Variants in ARFGAP2 observed in about 807,000 individuals in gnomAD.
ARFGAP2 encodes ADP-ribosylation factor GTPase-activating protein 2.
Under a neutral mutation model 71.9 loss-of-function variants are expected in ARFGAP2, and 45 were observed. The ratio of observed to expected loss-of-function variants is 0.63; its 90% CI spans 0.49 to 0.80. The LOEUF is 0.80. Ranked by LOEUF, ARFGAP2 falls within the 30% of genes least tolerant of loss-of-function variation. The pLI, the probability that ARFGAP2 is intolerant of heterozygous loss-of-function variation, is 0.00. For synonymous variants in ARFGAP2, 248 were observed against 249.2 expected, an observed-to-expected ratio of 1.00 and a Z score of 0.05; for missense variants, 633 against 673.9, an observed-to-expected ratio of 0.94 and a Z score of 0.67.
rs762144749 is a variant in ARFGAP2 at position 47,168,152 on chromosome 11, A to G, written c.1041T>C (p.Asp347=). ...GGGGTCCAGAGGCGAAAGTACCAAC[A>G]TCGTCAAACAAGTCCAGCTGCGAGC... ...SSRSQLDLFD[D]VGTFASGPPK... The change falls in exon 11 of 16, where the codon GAT becomes GAC. Residue 347 remains aspartate (D), a synonymous_variant. Coordinates refer to ENST00000524782, the MANE Select transcript of ARFGAP2 (RefSeq NM_032389.6). The G allele has an allele frequency of 6.2e-7, 1 of 1,614,246 alleles. No individual in the cohort carries two copies.
At position 47,171,528 on chromosome 11, in the gene ARFGAP2, T is replaced by G. The variant is rs745484725; in HGVS notation, c.839A>C (p.Glu280Ala). The change falls in exon 10 of 16, where the codon GAG becomes GCG. Residue 280 changes from glutamate to alanine, a missense_variant. Glu to Ala is a moderately radical substitution (Grantham distance 107). Coordinates refer to ENST00000524782, the MANE Select transcript of ARFGAP2 (RefSeq NM_032389.6). ...MVASMRLAYQ[E>A]LQIDRKKEEK... ...CTCTTTCTTACGATCAATCTGGAGC[T>G]CCTGGTAGGCCAGACGCATGGAGGC... 2.5e-6 allele frequency: 4 copies of G among 1,614,200 alleles called. No individual in the cohort carries two copies. Among genetic ancestry groups the G allele is most frequent in the Non-Finnish European group, 3.4e-6 (4 of 1,180,034 alleles).
chr11:47,168,055 G>A lies in ARFGAP2; in HGVS notation c.1071-12C>T. ...GATTGTCCTTGTACCTAGGGAGACA[G>A]TAGAGTGGCTCAGAGAAGCCTGATG... On this transcript the variant is annotated splice_polypyrimidine_tract_variant and intron_variant, in intron 11 of 15. Coordinates refer to ENST00000524782, the MANE Select transcript of ARFGAP2 (RefSeq NM_032389.6). 1.2e-6 allele frequency: 2 copies of A among 1,614,206 alleles called. No individual in the cohort carries two copies. Among genetic ancestry groups the A allele is most frequent in the Middle Eastern group, 1.6e-4 (1 of 6,062 alleles).
Position 47,175,939 on chromosome 11 carries a change from G to A in ARFGAP2, c.192-16C>T. 6.2e-7 allele frequency: 1 copy of A among 1,613,654 alleles called. No homozygotes were observed. Among genetic ancestry groups the A allele is most frequent in the Non-Finnish European group, 8.5e-7 (1 of 1,179,812 alleles). On this transcript the variant is annotated splice_polypyrimidine_tract_variant and intron_variant, in intron 2 of 15. Coordinates refer to ENST00000524782, the MANE Select transcript of ARFGAP2 (RefSeq NM_032389.6). Reference sequence around the variant, plus strand: ...CTCTGTGGACCTGTGTACAAGGGCTGCGTCTCACCCACTAGCAGATACCAG... The same window carrying A: ...CTCTGTGGACCTGTGTACAAGGGCTACGTCTCACCCACTAGCAGATACCAG...
chr11:47,165,576 C>A lies in ARFGAP2; in HGVS notation c.1546-74G>T. The stretch of plus-strand genomic sequence containing the variant: ...CTGCAGCAGCTTCCCAGCAAACACA[C>A]TGCCTGCCCCAGCACCCCACAGCAA... On this transcript the variant is annotated intron_variant, in intron 15 of 15. Coordinates refer to ENST00000524782, the MANE Select transcript of ARFGAP2 (RefSeq NM_032389.6). 3.4e-6 allele frequency: 5 copies of A among 1,456,294 alleles called. No individual in the cohort carries two copies. In the South Asian group the frequency reaches 6.8e-5, roughly 20 times the overall value. The allele number at this position is 1,456,294 out of a possible 1,614,324, so 90.2% of individuals were successfully genotyped here. A position where few individuals can be genotyped will look rare whatever the true frequency, so the allele number is the denominator to read the frequency against.
chr11:47,170,746 G>A (rs1168043390), intron 10 of ARFGAP2, among the ~76,000 whole-genome samples: 1 of 152,086 alleles, frequency 6.6e-6, no homozygotes, highest in Non-Finnish European at 1.5e-5. Flanking sequence ...AGGAATTCGA[G>A]ACCAGGCTGG....
In ARFGAP2 at chr11:47,172,350, T is replaced by G; in HGVS notation, c.620-17A>C. Reference sequence around the variant, plus strand: ...TTTTCAGTTCTGCGTGAGAAACGGGTAGGCATGAGCTAAGACAAAGGCAGC... The same window carrying G: ...TTTTCAGTTCTGCGTGAGAAACGGGGAGGCATGAGCTAAGACAAAGGCAGC... On this transcript the variant is annotated splice_polypyrimidine_tract_variant and intron_variant, in intron 7 of 15. Coordinates refer to ENST00000524782, the MANE Select transcript of ARFGAP2 (RefSeq NM_032389.6). The G allele has an allele frequency of 6.2e-7, 1 of 1,613,954 alleles. No individual in the cohort carries two copies. The highest frequency in any genetic ancestry group is 1.1e-5 in the South Asian group (1 of 91,080).
chr11:47,176,330 C>T, intron 2 of ARFGAP2, 186 bp downstream of exon 2: 1 of 626,428 alleles, frequency 1.6e-6, no homozygotes, highest in East Asian at 2.7e-5. Context: ...GAGGCGGAGA[C>T]GGACCGCCCA....
chr11:47,176,531 T>G lies in ARFGAP2; in HGVS notation c.176A>C (p.His59Pro). 6.2e-7 allele frequency: 1 copy of G among 1,613,656 alleles called. No homozygotes were observed. Among genetic ancestry groups the G allele is most frequent in the Non-Finnish European group, 8.5e-7 (1 of 1,180,010 alleles). Residue 59 changes from histidine to proline, a missense_variant, in exon 2 of 16, where the codon CAT becomes CCT. Transcript: ENST00000524782. ...GAGAGCCTACCTGATGAAGCTCAGA[T>G]GGACGCCCAGGGAGCGGTGCACCCC... is the stretch of plus-strand genomic sequence containing the variant. ...CSGVHRSLGV[H>P]LSFIRSTELD...
chr11:47,173,087 G>C, intron 7 of ARFGAP2: 1 of 400,300 alleles, frequency 2.5e-6, no homozygotes, highest in Non-Finnish European at 4.7e-6. Context: ...CTCCACCCCC[G>C]GAAATGCACC....
At position 47,167,944 on chromosome 11, in the gene ARFGAP2, T is replaced by G. The variant is rs746803158; in HGVS notation, c.1170A>C (p.Glu390Asp). Residue 390 changes from glutamate to aspartate, a missense_variant, in exon 12 of 16, where the codon GAA becomes GAC. Transcript: ENST00000524782. ...GMDRVEEKEPEVTISSIRPIS... is the reference protein window; with the variant it reads ...GMDRVEEKEPDVTISSIRPIS... ...TAGGCCGGATGCTTGAGATGGTCAC[T>G]TCTGGCTCCTTCTCCTCTACCCTGT... is the stretch of plus-strand genomic sequence containing the variant. The G allele has an allele frequency of 6.8e-6, 11 of 1,613,330 alleles. No individual in the cohort carries two copies. Among genetic ancestry groups the G allele is most frequent in the Admixed American group, 1.7e-5 (1 of 59,934 alleles).
In ARFGAP2 at chr11:47,164,446, C is replaced by A; in HGVS notation, c.*1036G>T. 1.8e-6 allele frequency: 1 copy of A among 549,806 alleles called. No individual in the cohort carries two copies. The highest frequency in any genetic ancestry group is 3.7e-5 in the East Asian group (1 of 26,752). The allele number at this position is 549,806 out of a possible 1,614,324, so 34.1% of individuals were successfully genotyped here. A position where few individuals can be genotyped will look rare whatever the true frequency, so the allele number is the denominator to read the frequency against. On this transcript the variant is annotated 3_prime_UTR_variant, in exon 16 of 16. Coordinates refer to ENST00000524782, the MANE Select transcript of ARFGAP2 (RefSeq NM_032389.6). ...TGGTCTGTGTTGCTTGGGAGCCCAA[C>A]CTACAACCCAAAGGTGGGGGCTGGG...
Position 47,164,365 on chromosome 11 carries a change from T to C in ARFGAP2, c.*1117A>G, listed in dbSNP as rs1281896376. On this transcript the variant is annotated 3_prime_UTR_variant, in exon 16 of 16. Transcript: ENST00000524782. Reference sequence around the variant, plus strand: ...TTATTTTGACACCACTTTGTTTCAATACAAACAGTCCAGAAAGAAAGTCAA... The same window carrying C: ...TTATTTTGACACCACTTTGTTTCAACACAAACAGTCCAGAAAGAAAGTCAA... 3.3e-6 allele frequency: 4 copies of C among 1,197,548 alleles called. No homozygotes were observed. Among genetic ancestry groups the C allele is most frequent in the Middle Eastern group, 2.5e-4 (1 of 4,078 alleles). The allele number at this position is 1,197,548 out of a possible 1,614,324, so 74.2% of individuals were successfully genotyped here.
intron 3 of ARFGAP2, 200 bp downstream of exon 3, chr11:47,175,651 C>T (rs1952780246): frequency 4.5e-6 from 3 of 669,676 alleles, no homozygotes; most frequent in South Asian, 1.9e-5. Flanking sequence ...CCCAAGAACA[C>T]CTGCCCAGTT....
At position 47,171,509 on chromosome 11, in the gene ARFGAP2, C is replaced by T. The variant is rs778408239; in HGVS notation, c.858G>A (p.Lys286=). 4 of 1,614,222 alleles carry T rather than the reference C, an allele frequency of 2.5e-6. No individual in the cohort carries two copies. The highest frequency in any genetic ancestry group is 3.4e-6 in the Non-Finnish European group (4 of 1,180,036). The change falls in exon 10 of 16, where the codon AAG becomes AAA. Residue 286 remains lysine, a synonymous_variant. Coordinates refer to ENST00000524782, the MANE Select transcript of ARFGAP2 (RefSeq NM_032389.6). ...LAYQELQIDR[K]KEEKKLQNLE... ...GATTCTGTAGCTTCTTTTCCTCTTTCTTACGATCAATCTGGAGCTCCTGGT... is the reference window on the plus strand; with the variant it reads ...GATTCTGTAGCTTCTTTTCCTCTTTTTTACGATCAATCTGGAGCTCCTGGT...
chr11:47,174,378 T>C (rs1952715348), intron 5 of ARFGAP2: 3 of 6,088 alleles, frequency 4.9e-4, no homozygotes, highest in Non-Finnish European at 4.9e-4. Flanking sequence ...TTTTTTTTTT[T>C]TTTTTTTTTT....
chr11:47,176,406 G>A (rs12785677), intron 2 of ARFGAP2, 110 bp downstream of exon 2: 1 of 1,093,684 alleles, frequency 9.1e-7, no homozygotes, highest in Non-Finnish European at 1.4e-6. Flanking sequence ...TCGGCCCAGA[G>A]GCTTCCCACC....
chr11:47,166,522 A>G lies in ARFGAP2; in HGVS notation c.1410T>C (p.Asp470=), dbSNP rs779908328. ...ISSSDLFGDM[D]GAHGAGSVSL... is the part of the protein sequence containing the mutation. ...GGGCCCTACCTGCTCCGTGAGCTCC[A>G]TCCATGTCCCCAAAGAGGTCTGAAG... Residue 470 remains aspartate (D), a synonymous_variant, in exon 14 of 16, where the codon GAT becomes GAC. Coordinates refer to ENST00000524782, the MANE Select transcript of ARFGAP2 (RefSeq NM_032389.6). 95 of 1,612,716 alleles carry G rather than the reference A, an allele frequency of 5.9e-5. No individual in the cohort carries two copies. The highest frequency in any genetic ancestry group is 3.8e-5 in the Non-Finnish European group (45 of 1,180,012).
At position 47,175,243 on chromosome 11, in the gene ARFGAP2, T is replaced by C; in HGVS notation, c.335A>G (p.Gln112Arg). The C allele has an allele frequency of 6.2e-7, 1 of 1,614,114 alleles. No homozygotes were observed. Among genetic ancestry groups the C allele is most frequent in the Non-Finnish European group, 8.5e-7 (1 of 1,180,024 alleles). ...CTGCCGGATCTTCTCCCGGTACATC[T>C]GGGCAGCTCGGCTATTATATTTGGT... ...ANTKYNSRAA[Q>R]MYREKIRQLG... Residue 112 changes from glutamine (Q) to arginine (R), a missense_variant, in exon 4 of 16, where the codon CAG becomes CGG. Coordinates refer to ENST00000524782, the MANE Select transcript of ARFGAP2 (RefSeq NM_032389.6).
At position 47,175,117 on chromosome 11, in the gene ARFGAP2, C is replaced by A; in HGVS notation, c.397-19G>T. ...TCCAAAGCTAGAAAGGAGAAGACACCCCTAAAACACAGGGCTCTGAATACT... is the reference window on the plus strand; with the variant it reads ...TCCAAAGCTAGAAAGGAGAAGACACACCTAAAACACAGGGCTCTGAATACT... On this transcript the variant is annotated intron_variant, in intron 4 of 15. Coordinates refer to ENST00000524782, the MANE Select transcript of ARFGAP2 (RefSeq NM_032389.6). 2 of 1,614,072 alleles carry A rather than the reference C, an allele frequency of 1.2e-6. No individual in the cohort carries two copies. Among genetic ancestry groups the A allele is most frequent in the Non-Finnish European group, 1.7e-6 (2 of 1,180,022 alleles).
Sources: gnomAD v4.1 joint callset for allele counts (sites outside exome capture counted in the v4.1 genomes callset) on GRCh38, gnomAD v4.1.1 for gene constraint, MANE v1.5 for transcripts, NCBI Gene and HGNC (gene_info 2026-07-23, HGNC 2026-07-21) for gene names.